The following TMEM132C variants were observed in gnomAD, a reference collection of about 807,000 sequenced individuals.
TMEM132C encodes protein phosphatase 1, regulatory subunit 152.
TMEM132C carries 29 observed loss-of-function variants against 61.4 expected under a neutral mutation model. That is an observed-to-expected ratio of 0.47 (90% CI 0.35 to 0.64). The LOEUF (loss-of-function observed/expected upper bound fraction) is 0.64. Among genes scored for constraint, TMEM132C ranks in the 30% least tolerant of loss-of-function variants. The pLI is 0.00. For missense variants in TMEM132C, 1,408 were observed against 1,476.9 expected (o/e 0.95, Z 0.76); for synonymous variants, 656 against 633.1 (o/e 1.04, Z -0.54).
At chr12:128,333,590 A>G (rs1327871013) in intron 1 of TMEM132C, among the ~76,000 whole-genome samples, 1 of 149,998 alleles carries the variant, frequency 6.7e-6, no homozygotes, top group Non-Finnish European at 1.5e-5. Context: ...AGAATGTGTG[A>G]TGTTGTGTGT....
At chr12:128,641,819 G>A (rs557372329) in intron 4 of TMEM132C, among the ~76,000 whole-genome samples, 1 of 152,126 alleles carries the variant, frequency 6.6e-6, no homozygotes, top group Non-Finnish European at 1.5e-5. Flanking sequence ...TTTTGAGATG[G>A]AGTCTCACTC....
chr12:128,510,266 G>T (rs1051464069), intron 2 of TMEM132C, among the ~76,000 whole-genome samples: 28 of 152,072 alleles, frequency 1.8e-4, no homozygotes, highest in African/African-American at 6.0e-4. Flanking sequence ...TCTGTTGGTG[G>T]ATCCCGAAAG....
chr12:128,330,083 G>T (rs1364353213), intron 1 of TMEM132C, among the ~76,000 whole-genome samples: 1 of 152,170 alleles, frequency 6.6e-6, no homozygotes, highest in Non-Finnish European at 1.5e-5. Context: ...GAAATCAGGG[G>T]TCTGATGAAG....
chr12:128,331,352 A>G (rs990553973), intron 1 of TMEM132C, among the ~76,000 whole-genome samples: 3 of 152,224 alleles, frequency 2.0e-5, no homozygotes, highest in African/African-American at 7.2e-5. Flanking sequence ...TGTTTCTTGC[A>G]TGGTGGCCAA....
At chr12:128,641,126 C>A (rs1433094568) in intron 4 of TMEM132C, among the ~76,000 whole-genome samples, 1 of 152,136 alleles carries the variant, frequency 6.6e-6, no homozygotes, top group Non-Finnish European at 1.5e-5. Flanking sequence ...GATCTGGGTC[C>A]TGACACTAGA....
chr12:128,553,374 GAT>G (rs1228906767), intron 3 of TMEM132C, among the ~76,000 whole-genome samples: 1 of 152,004 alleles, frequency 6.6e-6, no homozygotes, highest in Non-Finnish European at 1.5e-5. Flanking sequence ...CATATTCAAA[GAT>G]ATGTTTTTTA....
intron 2 of TMEM132C, among the ~76,000 whole-genome samples, chr12:128,441,767 G>A (rs767879954): frequency 2.6e-5 from 4 of 152,164 alleles, no homozygotes; most frequent in African/African-American, 4.8e-5. Context: ...GGCCGAGGCG[G>A]GCAGATCATT....
At position 128,415,315 on chromosome 12, in the gene TMEM132C, G is replaced by C; in HGVS notation, c.669G>C (p.Gly223=). 1 of 1,591,644 alleles carries C rather than the reference G, an allele frequency of 6.3e-7. No individual in the cohort carries two copies. Among genetic ancestry groups the C allele is most frequent in the Non-Finnish European group, 8.6e-7 (1 of 1,168,428 alleles). ...GRKKSMDQPE[G]TPVELYYTVH... is the part of the protein sequence containing the mutation. ...AGAAGTCCATGGACCAGCCGGAGGG[G>C]ACCCCTGTGGAGCTCTACTACACCG... The change falls in exon 2 of 9, where the codon GGG becomes GGC. Residue 223 remains glycine (G), a synonymous_variant. Transcript: ENST00000435159. The surrounding 1 kb of genome is among the most constrained non-coding windows in gnomAD (Gnocchi z 5.8).
chr12:128,683,644 A>T (rs1954652260), intron 5 of TMEM132C, among the ~76,000 whole-genome samples: 1 of 152,208 alleles, frequency 6.6e-6, no homozygotes, highest in South Asian at 2.1e-4. Flanking sequence ...AAACTCTGAG[A>T]ACAGAAACTA....
intron 1 of TMEM132C, among the ~76,000 whole-genome samples, chr12:128,354,956 C>T (rs1873454181): frequency 6.6e-6 from 1 of 152,206 alleles, no homozygotes; most frequent in Non-Finnish European, 1.5e-5. Context: ...CTTCCAACTT[C>T]CACTACCTAA....
chr12:128,517,917 T>A (rs537647194), intron 2 of TMEM132C, among the ~76,000 whole-genome samples: 1 of 152,298 alleles, frequency 6.6e-6, no homozygotes, highest in South Asian at 2.1e-4. Flanking sequence ...AAAGGGGACA[T>A]GTCAGCTGCT....
rs544573545 is a variant in TMEM132C, at chr12:128,646,989, A to G, written c.1306-22428A>G. The stretch of plus-strand genomic sequence containing the variant: ...GTGAGTGTGTTTACTGGAGTCCATC[A>G]GCATTGGATGTGAGTGTGTTTACTG... On this transcript the variant is annotated intron_variant, in intron 4 of 8. Coordinates refer to ENST00000435159, the MANE Select transcript of TMEM132C (RefSeq NM_001136103.3). Among the ~76,000 whole-genome samples the G allele has an allele frequency of 6.8e-4, 102 of 150,504 alleles. 1 individual carries two copies. The highest frequency in any genetic ancestry group is 2.1e-3 in the African/African-American group (87 of 40,752).
intron 2 of TMEM132C, among the ~76,000 whole-genome samples, chr12:128,538,689 T>C (rs1873627215): frequency 6.6e-6 from 1 of 152,250 alleles, no homozygotes; most frequent in Non-Finnish European, 1.5e-5. Flanking sequence ...ACCTGGTATT[T>C]ATAGGCATAT....
At chr12:128,494,612 T>C (rs1441278408) in intron 2 of TMEM132C, among the ~76,000 whole-genome samples, 1 of 152,218 alleles carries the variant, frequency 6.6e-6, no homozygotes, top group Non-Finnish European at 1.5e-5. Flanking sequence ...CCATTTCTTC[T>C]AGATTTTTTA....
At chr12:128,285,585 GC>G (rs964052016) in intron 1 of TMEM132C, among the ~76,000 whole-genome samples, 6 of 152,020 alleles carry the variant, frequency 3.9e-5, no homozygotes, top group Non-Finnish European at 7.4e-5. Context: ...AGAGGAACCA[GC>G]CGGACCCAGG....
intron 3 of TMEM132C, among the ~76,000 whole-genome samples, chr12:128,576,523 G>A (rs1875102018): frequency 6.6e-6 from 1 of 152,182 alleles, no homozygotes; most frequent in African/African-American, 2.4e-5. Flanking sequence ...CTTTCCCTTG[G>A]ATCAGTAACT....
intron 1 of TMEM132C, among the ~76,000 whole-genome samples, chr12:128,344,133 G>C (rs549275698): frequency 1.2e-4 from 19 of 152,092 alleles, no homozygotes; most frequent in Middle Eastern, 3.4e-3. Flanking sequence ...ACATGTTTTC[G>C]TGTGGATATA....
intron 4 of TMEM132C, among the ~76,000 whole-genome samples, chr12:128,665,621 G>GCGCACA (rs1555241551): frequency 0.052 from 6,277 of 120,250 alleles, 248 homozygotes; most frequent in Non-Finnish European, 0.074. Context: ...CCAAACACAG[G>GCGCACA]CACACACACA....
intron 1 of TMEM132C, among the ~76,000 whole-genome samples, chr12:128,329,117 G>C (rs1341427874): frequency 1.3e-5 from 2 of 152,154 alleles, no homozygotes; most frequent in Non-Finnish European, 2.9e-5. Flanking sequence ...GACATCATTG[G>C]CCAAGGCAAG....
Sources: allele counts gnomAD v4.1 joint callset (sites outside exome capture counted in the v4.1 genomes callset), GRCh38; gene constraint gnomAD v4.1.1; non-coding constraint Gnocchi (gnomAD v3.1); transcripts MANE v1.5; gene names NCBI Gene and HGNC (gene_info 2026-07-23, HGNC 2026-07-21).